The following ZFYVE28 variants were observed in gnomAD, a reference collection of about 807,000 sequenced individuals.
The protein encoded by ZFYVE28 is zinc finger FYVE-type containing 28, also known as lateral signaling target protein 2 homolog.
ZFYVE28 carries 40 observed loss-of-function variants against 82.1 expected under a neutral mutation model. The observed-to-expected ratio is 0.49, with a 90% CI of 0.38 to 0.63. The LOEUF is 0.63. Ranked by LOEUF, ZFYVE28 falls within the 30% of genes least tolerant of loss-of-function variation. The pLI, the probability that ZFYVE28 is intolerant of heterozygous loss-of-function variation, is 0.00. For synonymous variants in ZFYVE28, 612 were observed against 546.1 expected, an observed-to-expected ratio of 1.12 and a Z score of -1.68; for missense variants, 1,321 against 1,242.1, an observed-to-expected ratio of 1.06 and a Z score of -0.96.
intron 2 of ZFYVE28, among the ~76,000 whole-genome samples, chr4:2,353,680 C>T (rs1365780036): frequency 6.6e-6 from 1 of 152,148 alleles, no homozygotes; most frequent in Non-Finnish European, 1.5e-5. Context: ...GCTCACTCCG[C>T]ACCCCCTGCC....
In ZFYVE28 at chr4:2,304,563, C is replaced by T; in HGVS notation, c.1777G>A (p.Ala593Thr). ...TTGGCTAAGCCGGCAGCGTACGAGG[C>T]ACCAATGACGCCTCCCGGGCTGCAC... ...EKCSPGGVIG[A>T]SYAAGLAKAS... The change falls in exon 8 of 13, where the codon GCC (alanine) becomes ACC (threonine). Residue 593 changes from alanine (A) to threonine (T), a missense_variant. Physicochemically the swap from Ala to Thr is moderately conservative, Grantham distance 58. Coordinates refer to ENST00000290974, the MANE Select transcript of ZFYVE28 (RefSeq NM_020972.3). The T allele has an allele frequency of 1.9e-6, 3 of 1,612,756 alleles. No homozygotes were observed. Among genetic ancestry groups the T allele is most frequent in the Non-Finnish European group, 2.5e-6 (3 of 1,179,918 alleles).
At chr4:2,334,921 G>C (rs61789442) in intron 6 of ZFYVE28, among the ~76,000 whole-genome samples, 1 of 132,132 alleles carries the variant, frequency 7.6e-6, no homozygotes, top group African/African-American at 2.7e-5. Flanking sequence ...CTCCGCCCCC[G>C]TGACCATCCG....
intron 1 of ZFYVE28, among the ~76,000 whole-genome samples, chr4:2,369,114 C>T (rs1300904622): frequency 2.0e-5 from 3 of 152,204 alleles, no homozygotes; most frequent in Non-Finnish European, 4.4e-5. Flanking sequence ...TGCACATCTT[C>T]TCTGGAGACC....
At chr4:2,304,194 C>T in intron 8 of ZFYVE28, 95 bp downstream of exon 8, 1 of 1,452,922 alleles carries the variant, frequency 6.9e-7, no homozygotes, top group Non-Finnish European at 9.1e-7. Context: ...CAAGATGGCT[C>T]AGGTAGAAAC....
chr4:2,389,670 C>G (rs1729627752), intron 1 of ZFYVE28, among the ~76,000 whole-genome samples: 2 of 152,228 alleles, frequency 1.3e-5, no homozygotes, highest in Admixed American at 1.3e-4. Context: ...TCCGGCTCCT[C>G]TGTCTTTCTC....
chr4:2,379,986 C>T (rs1220529311), intron 1 of ZFYVE28, among the ~76,000 whole-genome samples: 4 of 152,098 alleles, frequency 2.6e-5, no homozygotes, highest in South Asian at 2.1e-4. Context: ...TGGGGTTTTG[C>T]CATGTTGCCC....
chr4:2,338,902 G>A (rs1374727789), intron 4 of ZFYVE28, among the ~76,000 whole-genome samples: 1 of 152,198 alleles, frequency 6.6e-6, no homozygotes, highest in Non-Finnish European at 1.5e-5. Flanking sequence ...GCAGCTCACT[G>A]TAGCCTCTGC....
intron 1 of ZFYVE28, among the ~76,000 whole-genome samples, chr4:2,366,869 C>G (rs552733330): frequency 1.3e-5 from 2 of 152,328 alleles, no homozygotes; most frequent in South Asian, 4.1e-4. Context: ...GGGCACGGCG[C>G]CACGCAAACC....
chr4:2,347,465 A>G (rs1723762427), intron 2 of ZFYVE28, among the ~76,000 whole-genome samples: 1 of 152,230 alleles, frequency 6.6e-6, no homozygotes, highest in South Asian at 2.1e-4. Context: ...CCAGATGCAC[A>G]TGATTCCCGA....
intron 2 of ZFYVE28, among the ~76,000 whole-genome samples, chr4:2,350,863 C>G (rs1417428591): frequency 6.6e-6 from 1 of 152,240 alleles, no homozygotes; most frequent in Non-Finnish European, 1.5e-5. Context: ...ACCCCAACTC[C>G]ACGGGACAGA....
At chr4:2,389,445 C>T (rs1395011064) in intron 1 of ZFYVE28, among the ~76,000 whole-genome samples, 2 of 152,226 alleles carry the variant, frequency 1.3e-5, no homozygotes, top group African/African-American at 4.8e-5. Context: ...CATGAGGAGG[C>T]TCAGCCTGCT....
chr4:2,388,682 G>A (rs1006826735), intron 1 of ZFYVE28, among the ~76,000 whole-genome samples: 7 of 152,068 alleles, frequency 4.6e-5, no homozygotes, highest in African/African-American at 1.2e-4. Flanking sequence ...TGCTGCTCTC[G>A]ATGTTCACTG....
chr4:2,401,740 A>G (rs1033389255), intron 1 of ZFYVE28, among the ~76,000 whole-genome samples: 2 of 151,738 alleles, frequency 1.3e-5, no homozygotes, highest in African/African-American at 4.8e-5. Context: ...AACCTCTATG[A>G]CCCCCGGGGC....
chr4:2,341,638 G>A lies in ZFYVE28; in HGVS notation c.181-23C>T, dbSNP rs376835578. 37 of 1,595,926 alleles carry A rather than the reference G, an allele frequency of 2.3e-5. No homozygotes were observed. Among genetic ancestry groups the A allele is most frequent in the Non-Finnish European group, 3.2e-5 (37 of 1,165,410 alleles). ...GTCCTGAAACAGAAGACAGGAGAAA[G>A]TGCGCCAATCGCTGTGTCCAGCTGG... On this transcript the variant is annotated intron_variant, in intron 2 of 12. Transcript: ENST00000290974. This position sits in a 1 kb window ranked among gnomAD's most constrained non-coding sequence, Gnocchi z 4.5.
intron 7 of ZFYVE28, among the ~76,000 whole-genome samples, chr4:2,312,500 A>G (rs913554007): frequency 2.6e-5 from 4 of 151,496 alleles, no homozygotes; most frequent in Non-Finnish European, 4.4e-5. Flanking sequence ...AGGCCGAGGC[A>G]GGTGGATCAC....
At chr4:2,344,940 G>A (rs1321694969) in intron 2 of ZFYVE28, among the ~76,000 whole-genome samples, 2 of 146,608 alleles carry the variant, frequency 1.4e-5, no homozygotes, top group South Asian at 2.2e-4. Context: ...GGCCAGGCGC[G>A]GTGGCTCACG....
intron 1 of ZFYVE28, 100 bp from the exon 2 acceptor site, chr4:2,354,173 G>C: frequency 7.7e-7 from 1 of 1,294,860 alleles, no homozygotes. Flanking sequence ...CTCAGCCTGG[G>C]ACCTTCCACC....
chr4:2,310,494 C>T (rs530361617), intron 7 of ZFYVE28, among the ~76,000 whole-genome samples: 11 of 152,146 alleles, frequency 7.2e-5, no homozygotes, highest in African/African-American at 1.9e-4. Context: ...AGATTATACT[C>T]TTATTGAAAA....
chr4:2,292,111 A>G (rs1713810259), intron 8 of ZFYVE28, among the ~76,000 whole-genome samples: 1 of 152,148 alleles, frequency 6.6e-6, no homozygotes, highest in South Asian at 2.1e-4. Flanking sequence ...GGGGGCTGGG[A>G]GGACACCATG....
Sources: gnomAD v4.1 joint callset for allele counts (sites outside exome capture counted in the v4.1 genomes callset) on GRCh38, gnomAD v4.1.1 for gene constraint, Gnocchi (gnomAD v3.1) non-coding constraint, MANE v1.5 for transcripts, NCBI Gene and HGNC (gene_info 2026-07-23, HGNC 2026-07-21) for gene names.